The following MOB2 variants were observed in gnomAD, a reference collection of about 807,000 sequenced individuals.
MOB2 encodes the protein MOB kinase activator 2.
A neutral mutation model predicts 27.4 loss-of-function variants in MOB2; 14 were observed. The observed-to-expected ratio is 0.51, with a 90% CI of 0.34 to 0.80. The LOEUF (loss-of-function observed/expected upper bound fraction) is 0.80, where lower values mean the gene tolerates loss of function less well. Ranked by LOEUF, MOB2 falls within the 30% of genes least tolerant of loss-of-function variation. MOB2 has a pLI of 0.01. For synonymous variants in MOB2, 167 were observed against 151.8 expected (o/e 1.10, Z -0.74); for missense variants, 304 against 354.6 (o/e 0.86, Z 1.15).
rs1847896233 is a variant in MOB2 at position 1,480,317 on chromosome 11, G to A, written c.365+76C>T. The A allele has an allele frequency of 4.8e-5, 65 of 1,358,350 alleles. 2 individuals carry two copies. The South Asian group carries it at 6.9e-4, about 14-fold the overall frequency. The allele number at this position is 1,358,350 out of a possible 1,614,324, so 84.1% of individuals were successfully genotyped here. ...GTGAGAACGGAATCTGAGAGGACAG[G>A]AGCCTGGGGCAGCGGGGGCTCAGAG... On this transcript the variant is annotated intron_variant, in intron 3 of 4. Transcript: ENST00000329957.
chr11:1,481,880 G>A (rs1342289681), intron 1 of MOB2, among the ~76,000 whole-genome samples: 4 of 152,196 alleles, frequency 2.6e-5, no homozygotes, highest in Admixed American at 1.3e-4. Flanking sequence ...CACATGCAGC[G>A]TGGGCACTTG....
chr11:1,485,958 G>T (rs905114521), intron 1 of MOB2, among the ~76,000 whole-genome samples: 7 of 152,102 alleles, frequency 4.6e-5, no homozygotes, highest in Non-Finnish European at 1.0e-4. Flanking sequence ...CTCTGGACAA[G>T]GCCACACAAG....
chr11:1,475,773 G>A (rs1005789876), intron 3 of MOB2, among the ~76,000 whole-genome samples: 1 of 152,234 alleles, frequency 6.6e-6, no homozygotes, highest in Non-Finnish European at 1.5e-5. Context: ...TGCAATTTCA[G>A]ATGTAACAGC....
intron 3 of MOB2, among the ~76,000 whole-genome samples, chr11:1,479,489 T>C (rs1319588912): frequency 6.6e-6 from 1 of 152,154 alleles, no homozygotes; most frequent in Non-Finnish European, 1.5e-5. Context: ...GTGTCACCCA[T>C]AACCAAACCA....
At chr11:1,485,189 C>T (rs1590768854) in intron 1 of MOB2, among the ~76,000 whole-genome samples, 1 of 152,314 alleles carries the variant, frequency 6.6e-6, no homozygotes, top group African/African-American at 2.4e-5. Context: ...AGGGAAGGGA[C>T]TCCGCCCGTC....
chr11:1,472,870 ATCTCTGGGCACAGGGCCTCCAGCG>A lies in MOB2; in HGVS notation c.366-1475_366-1452del, dbSNP rs1193461499. On this transcript the variant is annotated intron_variant, in intron 3 of 4. Transcript: ENST00000329957. ...CGTCTCCGGGCACAGGGCCTCCAGCATCTCTGGGCACAGGGCCTCCAGCGTCTCTGGGCACCCCTCTGCTGTGTC... is the reference window on the plus strand; with the variant it reads ...CGTCTCCGGGCACAGGGCCTCCAGCATCTCTGGGCACCCCTCTGCTGTGTC... 77 of 104,190 alleles carry A rather than the reference ATCTCTGGGCACAGGGCCTCCAGCG, an allele frequency of 7.4e-4. 1 individual carries two copies. Among genetic ancestry groups the A allele is most frequent in the Middle Eastern group, 0.01 (2 of 200 alleles). The allele number at this position is 104,190 out of a possible 1,614,324, so 6.5% of individuals were successfully genotyped here.
intron 1 of MOB2, chr11:1,481,197 G>A: frequency 4.2e-6 from 2 of 479,270 alleles, no homozygotes; most frequent in Non-Finnish European, 7.8e-6. Flanking sequence ...AGGGGCCCAG[G>A]GTTTAGGGCC....
At position 1,486,501 on chromosome 11, in the gene MOB2, A is replaced by T. The variant is rs1881503; in HGVS notation, c.56T>A (p.Leu19Gln). 12 of 1,535,774 alleles carry T rather than the reference A, an allele frequency of 7.8e-6. No individual in the cohort carries two copies. In the African/African-American group the frequency reaches 1.4e-4, roughly 18 times the overall value. ...CATTTTGCAGCAGAGTCCACTTTGC[A>T]GGGACTGGCCGGGCCGGGCTTGGTC... Reference protein sequence around the residue: ...PEDQARPGQSLQSGLCCKMVL... With the variant: ...PEDQARPGQSQQSGLCCKMVL... Residue 19 changes from leucine (L) to glutamine (Q), a missense_variant, in exon 1 of 5, where the codon CTG becomes CAG. By Grantham distance (113) the Leu-to-Gln change is moderately radical. Coordinates refer to ENST00000329957, the MANE Select transcript of MOB2 (RefSeq NM_001172223.3).
intron 3 of MOB2, among the ~76,000 whole-genome samples, chr11:1,477,123 C>T (rs1331475140): frequency 6.6e-6 from 1 of 152,132 alleles, no homozygotes; most frequent in East Asian, 1.9e-4. Context: ...CTCTCGCTGA[C>T]TGTCTATGAG....
At chr11:1,476,388 G>GT (rs1213869609) in intron 3 of MOB2, among the ~76,000 whole-genome samples, 4 of 152,156 alleles carry the variant, frequency 2.6e-5, no homozygotes, top group East Asian at 1.9e-4. Context: ...TGCACAGAGG[G>GT]TTTTTTTCCA....
At chr11:1,477,074 T>C (rs930450683) in intron 3 of MOB2, among the ~76,000 whole-genome samples, 3 of 152,170 alleles carry the variant, frequency 2.0e-5, no homozygotes, top group Admixed American at 6.5e-5. Context: ...GCATGTGTCA[T>C]TTCAATCCAA....
chr11:1,477,782 A>G (rs1255420115), intron 3 of MOB2, among the ~76,000 whole-genome samples: 4 of 152,204 alleles, frequency 2.6e-5, no homozygotes, highest in African/African-American at 7.2e-5. Context: ...TCGTGACAGC[A>G]TCCCGAATGA....
Position 1,470,497 on chromosome 11 carries a change from G to C in MOB2, c.491-9C>G. 1 of 1,608,280 alleles carries C rather than the reference G, an allele frequency of 6.2e-7. No individual in the cohort carries two copies. The highest frequency in any genetic ancestry group is 8.5e-7 in the Non-Finnish European group (1 of 1,176,574). The stretch of plus-strand genomic sequence containing the variant: ...GCTGGGGAATTCTCTGCCTGGGGAA[G>C]GCCACCGTGTCACAAGCTGCAGACA... On this transcript the variant is annotated splice_polypyrimidine_tract_variant and intron_variant, in intron 4 of 4. Transcript: ENST00000329957.
intron 3 of MOB2, among the ~76,000 whole-genome samples, chr11:1,477,576 T>A (rs923075243): frequency 6.6e-6 from 1 of 152,156 alleles, no homozygotes; most frequent in East Asian, 1.9e-4. Flanking sequence ...TCGCCCTGCC[T>A]TCCTTCCAGC....
chr11:1,472,180 A>G (rs7130149), intron 3 of MOB2: 134,807 of 146,972 alleles, frequency 0.92, 62,000 homozygotes, highest in East Asian at 1. Flanking sequence ...ACAACACCAA[A>G]ACCCAGGGCA....
At chr11:1,482,701 G>A (rs1398209613) in intron 1 of MOB2, among the ~76,000 whole-genome samples, 7 of 152,238 alleles carry the variant, frequency 4.6e-5, no homozygotes, top group Non-Finnish European at 1.0e-4. Flanking sequence ...CAAGCCTCCT[G>A]CAAGCCTACC....
intron 3 of MOB2, chr11:1,473,264 A>T (rs1232048577): frequency 6.6e-6 from 1 of 152,272 alleles, no homozygotes; most frequent in African/African-American, 2.4e-5. Flanking sequence ...GCTCTGCATG[A>T]CCTTCACGCC....
chr11:1,484,796 G>A (rs1299406161), intron 1 of MOB2, among the ~76,000 whole-genome samples: 2 of 152,174 alleles, frequency 1.3e-5, no homozygotes, highest in Non-Finnish European at 2.9e-5. Flanking sequence ...GGGTGGGAAG[G>A]CCTCCGGAGC....
chr11:1,478,491 T>A (rs1847876212), intron 3 of MOB2, among the ~76,000 whole-genome samples: 1 of 152,224 alleles, frequency 6.6e-6, no homozygotes, highest in Admixed American at 6.5e-5. Flanking sequence ...TGGGGCTTCC[T>A]TCTTCCTTCT....
Sources: allele counts gnomAD v4.1 joint callset (sites outside exome capture counted in the v4.1 genomes callset), GRCh38; gene constraint gnomAD v4.1.1; transcripts MANE v1.5; gene names NCBI Gene and HGNC (gene_info 2026-07-23, HGNC 2026-07-21).